The following SERINC2 variants were observed in gnomAD, a reference collection of about 807,000 sequenced individuals.
The protein encoded by SERINC2 is tumor differentially expressed protein 2.
SERINC2 carries 56 observed loss-of-function variants against 54.2 expected under a neutral mutation model. The observed-to-expected ratio is 1.03, with a 90% confidence interval of 0.83 to 1.29. SERINC2 has a LOEUF of 1.29. Ranked by LOEUF, SERINC2 falls within the 50% of genes most tolerant of loss-of-function variation. SERINC2 has a pLI of 0.00. For synonymous variants in SERINC2, 272 were observed against 253.1 expected (o/e 1.07, Z -0.71); for missense variants, 614 against 607.4 (o/e 1.01, Z -0.12).
chr1:31,412,089 C>G (rs7545902), upstream of SERINC2, among the ~76,000 whole-genome samples: 62,515 of 150,096 alleles, frequency 0.42, 16,171 homozygotes, highest in Non-Finnish European at 0.57. Context: ...GTTTGTGGAA[C>G]AGTCCTGGTG....
intron 1 of SERINC2, among the ~76,000 whole-genome samples, chr1:31,418,072 TG>T (rs1640823155): frequency 6.6e-6 from 1 of 152,132 alleles, no homozygotes; most frequent in Admixed American, 6.5e-5. Flanking sequence ...TTGGCCAGGC[TG>T]GTCTCGAACC....
chr1:31,416,000 A>G (rs1464518529), intron 1 of SERINC2: 15 of 773,804 alleles, frequency 1.9e-5, no homozygotes, highest in Non-Finnish European at 2.2e-5. Context: ...GGCTGTCTGC[A>G]AAGATTTCAG....
intron 1 of SERINC2, among the ~76,000 whole-genome samples, chr1:31,420,507 T>C (rs904043701): frequency 6.6e-6 from 1 of 151,896 alleles, no homozygotes; most frequent in Admixed American, 6.6e-5. Flanking sequence ...CTGGCCTCCC[T>C]TGGTTTTCTG....
At chr1:31,422,947 C>T (rs1237800498) in intron 1 of SERINC2, among the ~76,000 whole-genome samples, 1 of 152,176 alleles carries the variant, frequency 6.6e-6, no homozygotes, top group Non-Finnish European at 1.5e-5. Flanking sequence ...AGCCTCAGAG[C>T]CGAAAATCAT....
intron 8 of SERINC2, among the ~76,000 whole-genome samples, chr1:31,430,566 G>A (rs1553134303): frequency 6.6e-6 from 1 of 152,202 alleles, no homozygotes; most frequent in African/African-American, 2.4e-5. Flanking sequence ...AGTGACTGAG[G>A]AGGCCGAGGT....
At chr1:31,429,924 A>AT (rs782182891) in intron 8 of SERINC2, among the ~76,000 whole-genome samples, 3 of 152,068 alleles carry the variant, frequency 2.0e-5, no homozygotes, top group Admixed American at 6.5e-5. Context: ...TAAGAGGATG[A>AT]CAACCTCCAC....
At chr1:31,423,924 G>A in intron 2 of SERINC2, 70 bp downstream of exon 2, 1 of 1,455,876 alleles carries the variant, frequency 6.9e-7, no homozygotes, top group Non-Finnish European at 9.5e-7. Context: ...AGAGGGCCCA[G>A]GCTTGGGGTC....
intron 1 of SERINC2, among the ~76,000 whole-genome samples, chr1:31,419,285 G>A (rs1035164264): frequency 6.6e-6 from 1 of 152,202 alleles, no homozygotes; most frequent in Non-Finnish European, 1.5e-5. Context: ...GTCCCCAGGT[G>A]TTAGACATTT....
chr1:31,413,243 G>C lies in SERINC2; in HGVS notation c.-23G>C. 8.6e-7 allele frequency: 1 copy of C among 1,163,670 alleles called. No individual in the cohort carries two copies. The highest frequency in any genetic ancestry group is 4.0e-5 in the East Asian group (1 of 25,014). 72.1% of individuals were successfully genotyped at this position (1,163,670 alleles called of 1,614,324 possible). On this transcript the variant is annotated 5_prime_UTR_variant, in exon 1 of 10. Transcript: ENST00000373709. The surrounding 1 kb of genome is among the most constrained non-coding windows in gnomAD (Gnocchi z 5.0). ...CCGCGCCCCGCGCCCGGCGCCGGGC[G>C]CCCGAAGCCGGGAGCCGCCGCCATG...
At chr1:31,415,142 G>A (rs1279552804) in intron 1 of SERINC2, among the ~76,000 whole-genome samples, 1 of 152,190 alleles carries the variant, frequency 6.6e-6, no homozygotes, top group Non-Finnish European at 1.5e-5. Context: ...GGTTGCACAG[G>A]GAAAGGATGA....
chr1:31,422,860 A>G (rs1360005967), intron 1 of SERINC2, among the ~76,000 whole-genome samples: 1 of 152,206 alleles, frequency 6.6e-6, no homozygotes, highest in Non-Finnish European at 1.5e-5. Flanking sequence ...GGCCAGGGGA[A>G]GGGCTGACCG....
At chr1:31,426,560 G>T in intron 5 of SERINC2, 94 bp from the exon 6 acceptor site, 1 of 998,942 alleles carries the variant, frequency 1.0e-6, no homozygotes, top group Non-Finnish European at 1.5e-6. Flanking sequence ...GCTGGAGAGG[G>T]GGAGAGCTGC....
chr1:31,427,205 C>G (rs1641069614), intron 6 of SERINC2, among the ~76,000 whole-genome samples: 1 of 152,158 alleles, frequency 6.6e-6, no homozygotes, highest in African/African-American at 2.4e-5. Flanking sequence ...ACATTAGGGG[C>G]AGTCCCTGAG....
chr1:31,431,350 A>C (rs1641192785), intron 8 of SERINC2, among the ~76,000 whole-genome samples: 1 of 150,136 alleles, frequency 6.7e-6, no homozygotes, highest in Non-Finnish European at 1.5e-5. Context: ...ATGGCCTTGA[A>C]CTCCTGGCCC....
intron 8 of SERINC2, among the ~76,000 whole-genome samples, chr1:31,429,991 G>A (rs994568421): frequency 1.3e-5 from 2 of 152,038 alleles, no homozygotes; most frequent in Non-Finnish European, 2.9e-5. Flanking sequence ...AGCTCATGCT[G>A]AAGTTCACAT....
At chr1:31,429,149 C>T in intron 7 of SERINC2, 81 bp downstream of exon 7, 1 of 1,284,748 alleles carries the variant, frequency 7.8e-7, no homozygotes, top group Non-Finnish European at 1.1e-6. Context: ...GGGACCCTCA[C>T]AGGTGACAGG....
intron 6 of SERINC2, among the ~76,000 whole-genome samples, chr1:31,427,458 C>G (rs1486088209): frequency 6.6e-6 from 1 of 152,152 alleles, no homozygotes; most frequent in Non-Finnish European, 1.5e-5. Context: ...AACCTCCCTT[C>G]TGGTCAGAGC....
chr1:31,432,450 G>A lies in SERINC2; in HGVS notation c.1014-517G>A, dbSNP rs1248651679. The stretch of plus-strand genomic sequence containing the variant: ...TTCTTTTTTTAGTGTAAGCATGAAG[G>A]AAAGGGAGGCCATTGGTAAAACCAC... On this transcript the variant is annotated intron_variant, in intron 8 of 9. Coordinates refer to ENST00000373709, the MANE Select transcript of SERINC2 (RefSeq NM_178865.5). 5.3e-5 allele frequency among the ~76,000 whole-genome samples: 8 copies of A among 152,174 alleles called. No homozygotes were observed. The East Asian group carries it at 1.3e-3, about 26-fold the overall frequency.
chr1:31,432,210 C>CAGGGTGGAGAGGGTGGAGAGGGTGGAG, intron 8 of SERINC2, among the ~76,000 whole-genome samples: 1 of 94,580 alleles, frequency 1.1e-5, no homozygotes, highest in Non-Finnish European at 2.4e-5. Context: ...AGAGAGTGGA[C>CAGGGTGGAGAGGGTGGAGAGGGTGGAG]AGGGTGGAGA....
Sources: allele counts gnomAD v4.1 joint callset (sites outside exome capture counted in the v4.1 genomes callset), GRCh38; gene constraint gnomAD v4.1.1; non-coding constraint Gnocchi (gnomAD v3.1); transcripts MANE v1.5; gene names NCBI Gene and HGNC (gene_info 2026-07-23, HGNC 2026-07-21).